Variants in GALNT13 observed in about 807,000 individuals in gnomAD.
The protein encoded by GALNT13 is polypeptide N-acetylgalactosaminyltransferase 13.
A neutral mutation model predicts 64.2 loss-of-function variants in GALNT13; 28 were observed. That is an observed-to-expected ratio of 0.44 (90% CI 0.32 to 0.60). The LOEUF is 0.60. Ranked by LOEUF, GALNT13 falls within the 20% of genes least tolerant of loss-of-function variation. GALNT13 has a pLI of 0.05. For missense variants in GALNT13, 577 were observed against 669.8 expected (o/e 0.86, Z 1.53); for synonymous variants, 214 against 224.6 (o/e 0.95, Z 0.42).
At chr2:154,015,530 T>A (rs899806918) in intron 3 of GALNT13, among the ~76,000 whole-genome samples, 1 of 152,300 alleles carries the variant, frequency 6.6e-6, no homozygotes, top group South Asian at 2.1e-4. Flanking sequence ...CTTTCCAACA[T>A]TCCCCTGGGA....
At chr2:153,616,097 A>G in the GALNT13 span, among the ~76,000 whole-genome samples, 1 of 151,832 alleles carries the variant, frequency 6.6e-6, no homozygotes, top group Non-Finnish European at 1.5e-5. Context: ...ATCCATTTTA[A>G]TTAGATTTTT....
the GALNT13 span, among the ~76,000 whole-genome samples, chr2:153,302,591 A>G: frequency 1.3e-5 from 2 of 151,904 alleles, no homozygotes; most frequent in Non-Finnish European, 1.5e-5. Context: ...CCATTTGTCT[A>G]TTTTTGCTTT....
chr2:153,346,497 T>C, the GALNT13 span, among the ~76,000 whole-genome samples: 1 of 152,216 alleles, frequency 6.6e-6, no homozygotes, highest in Non-Finnish European at 1.5e-5. Context: ...TCCATGTGGA[T>C]GTTTTCAACA....
chr2:153,988,075 C>T (rs765749282), intron 3 of GALNT13, among the ~76,000 whole-genome samples: 386 of 105,060 alleles, frequency 3.7e-3, no homozygotes, highest in African/African-American at 7.7e-3. Context: ...TATATATATA[C>T]ACACACACAC....
chr2:153,135,606 G>T, the GALNT13 span, among the ~76,000 whole-genome samples: 1 of 152,012 alleles, frequency 6.6e-6, no homozygotes, highest in Non-Finnish European at 1.5e-5. Flanking sequence ...ATTTGTGGGT[G>T]TTTTTCTTCA....
chr2:154,269,906 G>GTGTATATATATATATATATATAGATATA (rs529424469), intron 8 of GALNT13, among the ~76,000 whole-genome samples: 1 of 96,884 alleles, frequency 1.0e-5, no homozygotes. Flanking sequence ...ATATATATGT[G>GTGTATATATATATATATATATAGATATA]TATATATATA....
the GALNT13 span, among the ~76,000 whole-genome samples, chr2:153,349,531 G>A: frequency 6.6e-6 from 1 of 152,268 alleles, no homozygotes; most frequent in Non-Finnish European, 1.5e-5. Flanking sequence ...ACAGGAAGAG[G>A]AAGACAAGTT....
the GALNT13 span, among the ~76,000 whole-genome samples, chr2:153,619,139 C>G: frequency 6.6e-6 from 1 of 151,916 alleles, no homozygotes. Context: ...AGATGAGTTT[C>G]TCTGGTGAAA....
chr2:154,230,926 A>G (rs1171288027), intron 4 of GALNT13, among the ~76,000 whole-genome samples: 2 of 152,172 alleles, frequency 1.3e-5, no homozygotes, highest in Admixed American at 1.3e-4. Context: ...CATTGCTAAT[A>G]TAATGCATTT....
the GALNT13 span, among the ~76,000 whole-genome samples, chr2:153,506,730 C>G: frequency 6.6e-6 from 1 of 151,502 alleles, no homozygotes; most frequent in Non-Finnish European, 1.5e-5. Context: ...ATAGGTTTTC[C>G]TTTATAGGTT....
At chr2:153,293,708 T>C in the GALNT13 span, among the ~76,000 whole-genome samples, 1 of 152,082 alleles carries the variant, frequency 6.6e-6, no homozygotes, top group Admixed American at 6.6e-5. Flanking sequence ...GTAGAGTTAA[T>C]CATATTGAGG....
intron 3 of GALNT13, among the ~76,000 whole-genome samples, chr2:153,970,921 T>C (rs1693693901): frequency 6.6e-6 from 1 of 152,188 alleles, no homozygotes; most frequent in Non-Finnish European, 1.5e-5. Context: ...TGCTCCAACA[T>C]CTTTGCTAGC....
intron 4 of GALNT13, among the ~76,000 whole-genome samples, chr2:154,182,517 A>G (rs1400269021): frequency 6.6e-6 from 1 of 151,898 alleles, no homozygotes; most frequent in Non-Finnish European, 1.5e-5. Context: ...ATAAGCCAGT[A>G]GTTCTCAAAC....
At chr2:153,726,835 G>T in the GALNT13 span, among the ~76,000 whole-genome samples, 1 of 151,554 alleles carries the variant, frequency 6.6e-6, no homozygotes, top group Non-Finnish European at 1.5e-5. Flanking sequence ...AGCTACTCAG[G>T]AGGCTGAGGC....
the GALNT13 span, among the ~76,000 whole-genome samples, chr2:153,293,518 TAG>T: frequency 6.6e-6 from 1 of 152,158 alleles, no homozygotes; most frequent in Non-Finnish European, 1.5e-5. Context: ...AATTTTCTCC[TAG>T]AGTCTCCAGG....
chr2:153,844,608 G>A, the GALNT13 span, among the ~76,000 whole-genome samples: 1 of 152,156 alleles, frequency 6.6e-6, no homozygotes, highest in East Asian at 1.9e-4. Context: ...CTAACAAGTG[G>A]TTGCTTTATA....
intron 3 of GALNT13, among the ~76,000 whole-genome samples, chr2:154,013,921 G>T (rs1696819748): frequency 6.6e-6 from 1 of 152,192 alleles, no homozygotes; most frequent in Admixed American, 6.5e-5. Flanking sequence ...GGACTTCTCT[G>T]ATGGTTAGGC....
rs560803951 is a variant in GALNT13, at chr2:153,935,959, C to A, written c.-104-8435C>A. On this transcript the variant is annotated intron_variant, in intron 2 of 12. Transcript: ENST00000392825. Reference sequence around the variant, plus strand: ...CTCTCCAGTCCTCTATTAATCTAACCCAGAGCTTTGATATGAAAGTATTAA... The same window carrying A: ...CTCTCCAGTCCTCTATTAATCTAACACAGAGCTTTGATATGAAAGTATTAA... Among the ~76,000 whole-genome samples, 9 of 152,272 alleles carry A rather than the reference C, an allele frequency of 5.9e-5. No individual in the cohort carries two copies. The South Asian group carries it at 1.7e-3, about 28-fold the overall frequency.
chr2:153,690,672 A>G, the GALNT13 span, among the ~76,000 whole-genome samples: 1 of 152,152 alleles, frequency 6.6e-6, no homozygotes, highest in African/African-American at 2.4e-5. Context: ...TACTTAATGA[A>G]CATCTTTGGT....
Sources: gnomAD v4.1 joint callset for allele counts (sites outside exome capture counted in the v4.1 genomes callset) on GRCh38, gnomAD v4.1.1 for gene constraint, MANE v1.5 for transcripts, NCBI Gene and HGNC (gene_info 2026-07-23, HGNC 2026-07-21) for gene names.